Variants in SVOPL observed in about 807,000 individuals in gnomAD.
The protein encoded by SVOPL is SVOP like.
Under a neutral mutation model 61.0 loss-of-function variants are expected in SVOPL, and 60 were observed. The observed-to-expected ratio is 0.98, with a 90% CI of 0.80 to 1.22. The LOEUF is 1.22. SVOPL is among the 50% of genes most tolerant of loss of function. The pLI is 0.00. For missense variants in SVOPL, 662 were observed against 643.9 expected, an observed-to-expected ratio of 1.03 and a Z score of -0.30; for synonymous variants, 279 against 250.0, an observed-to-expected ratio of 1.12 and a Z score of -1.09.
At chr7:138,627,264 G>C (rs1247361966) in intron 12 of SVOPL, 86 bp downstream of exon 12, 9 of 992,374 alleles carry the variant, frequency 9.1e-6, no homozygotes, top group Non-Finnish European at 1.4e-5. Flanking sequence ...AAAGTGACTT[G>C]TCCCTGAAAC....
At chr7:138,699,311 T>C (rs1673188) in intron 1 of SVOPL, among the ~76,000 whole-genome samples, 24 of 151,812 alleles carry the variant, frequency 1.6e-4, no homozygotes, top group Non-Finnish European at 2.9e-4. Flanking sequence ...TCTCAAAAAA[T>C]AAAAAAATAA....
intron 4 of SVOPL, among the ~76,000 whole-genome samples, chr7:138,667,581 C>T (rs1369181759): frequency 6.6e-6 from 1 of 152,164 alleles, no homozygotes; most frequent in Non-Finnish European, 1.5e-5. Context: ...ATTTACTGGG[C>T]ACTAATTAAA....
intron 14 of SVOPL, among the ~76,000 whole-genome samples, chr7:138,601,265 A>AG (rs1003774473): frequency 3.1e-4 from 47 of 151,602 alleles, no homozygotes; most frequent in African/African-American, 8.5e-4. Flanking sequence ...AAAAAAAAAA[A>AG]AAAAGAAAAG....
intron 1 of SVOPL, among the ~76,000 whole-genome samples, chr7:138,699,472 A>C (rs1341666214): frequency 6.6e-6 from 1 of 152,132 alleles, no homozygotes; most frequent in Non-Finnish European, 1.5e-5. Flanking sequence ...TGTTTTCTAA[A>C]CTAGGTTGAT....
At chr7:138,699,905 G>A (rs759263316) in intron 1 of SVOPL, among the ~76,000 whole-genome samples, 3 of 152,170 alleles carry the variant, frequency 2.0e-5, no homozygotes, top group Admixed American at 6.6e-5. Context: ...AGGGGAATTT[G>A]CCAAGAGGGG....
intron 1 of SVOPL, chr7:138,688,941 T>C (rs1401434412): frequency 5.5e-6 from 3 of 545,592 alleles, no homozygotes; most frequent in Non-Finnish European, 6.8e-6. Flanking sequence ...TAAAGTCAGC[T>C]CTTCCTCTTT....
chr7:138,678,679 T>C lies in SVOPL; in HGVS notation c.83-154A>G, dbSNP rs1275249935. ...CTCTGCCTACTGGTCCAAGCAATTC[T>C]CCTCCCTCAGTCTCCTGAGTAGCTG... On this transcript the variant is annotated intron_variant, in intron 2 of 15. Transcript: ENST00000674285. Among the ~76,000 whole-genome samples the C allele has an allele frequency of 2.0e-5, 3 of 152,122 alleles. No homozygotes were observed. In the East Asian group the frequency reaches 5.8e-4, roughly 29 times the overall value.
intron 3 of SVOPL, among the ~76,000 whole-genome samples, chr7:138,676,547 C>T (rs1490345888): frequency 6.6e-6 from 1 of 152,070 alleles, no homozygotes; most frequent in African/African-American, 2.4e-5. Flanking sequence ...GGGAGGAGTC[C>T]CCGCCTCTTC....
At chr7:138,618,598 T>C (rs1799405081) in intron 14 of SVOPL, among the ~76,000 whole-genome samples, 1 of 151,662 alleles carries the variant, frequency 6.6e-6, no homozygotes, top group Admixed American at 6.6e-5. Context: ...GAGGCGGAGG[T>C]TGCAGTGAAC....
intron 14 of SVOPL, among the ~76,000 whole-genome samples, chr7:138,608,196 A>G (rs1659825): frequency 0.26 from 40,204 of 152,080 alleles, 5,694 homozygotes; most frequent in East Asian, 0.6. Context: ...TTTTTCCTCT[A>G]TTAGCTGTTA....
chr7:138,648,092 T>C (rs1008071033), intron 8 of SVOPL, among the ~76,000 whole-genome samples: 1 of 152,154 alleles, frequency 6.6e-6, no homozygotes, highest in Admixed American at 6.6e-5. Flanking sequence ...AGGAAGATGA[T>C]GATTCTACAG....
chr7:138,643,338 T>C (rs929165845), intron 9 of SVOPL, among the ~76,000 whole-genome samples: 6 of 150,034 alleles, frequency 4.0e-5, no homozygotes, highest in African/African-American at 1.2e-4. Context: ...GGCAGGAGAA[T>C]TGCTTGAACC....
chr7:138,690,542 C>T (rs1802917195), intron 1 of SVOPL, among the ~76,000 whole-genome samples: 1 of 152,192 alleles, frequency 6.6e-6, no homozygotes, highest in South Asian at 2.1e-4. Context: ...AGTCATATAA[C>T]ACTATATATT....
chr7:138,654,098 A>C (rs1337245319), intron 7 of SVOPL, among the ~76,000 whole-genome samples: 2 of 149,804 alleles, frequency 1.3e-5, no homozygotes, highest in East Asian at 2.0e-4. Flanking sequence ...GTCCCACTGC[A>C]CTCCAGCCTG....
At chr7:138,631,758 G>A (rs958755442) in intron 9 of SVOPL, among the ~76,000 whole-genome samples, 1 of 145,826 alleles carries the variant, frequency 6.9e-6, no homozygotes, top group Admixed American at 6.9e-5. Context: ...TAGTAGAGAC[G>A]GGGTTTTACC....
chr7:138,663,072 A>G lies in SVOPL; in HGVS notation c.345+2T>C, dbSNP rs1291268741. On this transcript the variant is annotated splice_donor_variant, in intron 5 of 15. Transcript: ENST00000674285. LOFTEE classifies it high-confidence loss of function. ...CAAATGCTACTGTGAGGCCCCACCT[A>G]CCTTCCAGCGGCCATATCTGTCAGC... The G allele has an allele frequency of 6.2e-7, 1 of 1,614,158 alleles. No individual in the cohort carries two copies. The highest frequency in any genetic ancestry group is 2.2e-5 in the East Asian group (1 of 44,884).
intron 7 of SVOPL, among the ~76,000 whole-genome samples, chr7:138,649,594 G>T (rs920343000): frequency 6.6e-6 from 1 of 152,080 alleles, no homozygotes; most frequent in Admixed American, 6.6e-5. Context: ...GCTGAGCCTA[G>T]CCCGGGGTGA....
At chr7:138,636,624 C>T (rs796234110) in intron 9 of SVOPL, among the ~76,000 whole-genome samples, 63 of 152,066 alleles carry the variant, frequency 4.1e-4, no homozygotes, top group African/African-American at 1.4e-3. Flanking sequence ...GTGTCTGCCA[C>T]GAAGCCTGGC....
intron 14 of SVOPL, among the ~76,000 whole-genome samples, chr7:138,598,960 T>G (rs1798392375): frequency 6.6e-6 from 1 of 151,456 alleles, no homozygotes. Context: ...GAGAAAAAAC[T>G]AATTCTAAAG....
Sources: gnomAD v4.1 joint callset for allele counts (sites outside exome capture counted in the v4.1 genomes callset) on GRCh38, gnomAD v4.1.1 for gene constraint, MANE v1.5 for transcripts, NCBI Gene and HGNC (gene_info 2026-07-23, HGNC 2026-07-21) for gene names.